TOX2: variants seen among roughly 807,000 people sequenced by gnomAD.
TOX2 encodes granulosa cell HMG box 1.
A neutral mutation model predicts 47.4 loss-of-function variants in TOX2; 15 were observed. That is an observed-to-expected ratio of 0.32 (90% CI 0.21 to 0.49). The LOEUF (loss-of-function observed/expected upper bound fraction) is 0.49. Ranked by LOEUF, TOX2 falls within the 20% of genes least tolerant of loss-of-function variation. The pLI is 0.99. For missense variants in TOX2, 622 were observed against 673.1 expected (o/e 0.92, Z 0.84); for synonymous variants, 290 against 296.6 (o/e 0.98, Z 0.23).
At chr20:44,041,815 C>T (rs538404336) in intron 3 of TOX2, among the ~76,000 whole-genome samples, 7 of 152,128 alleles carry the variant, frequency 4.6e-5, no homozygotes, top group Non-Finnish European at 7.3e-5. Context: ...TGTGCAGGCT[C>T]GAATCTAGGA....
intron 1 of TOX2, among the ~76,000 whole-genome samples, chr20:43,949,876 C>T (rs1475481102): frequency 6.6e-6 from 1 of 152,160 alleles, no homozygotes; most frequent in Non-Finnish European, 1.5e-5. Context: ...TATTCTCACA[C>T]GTGCTGCAAG....
At chr20:43,923,075 T>TGG (rs146629010) in intron 1 of TOX2, among the ~76,000 whole-genome samples, 4 of 151,596 alleles carry the variant, frequency 2.6e-5, no homozygotes, top group Admixed American at 6.6e-5. Context: ...TGTAGAGTGG[T>TGG]GGGGGGTGTT....
At chr20:43,955,453 G>T (rs576821634) in intron 1 of TOX2, among the ~76,000 whole-genome samples, 2 of 152,344 alleles carry the variant, frequency 1.3e-5, no homozygotes, top group South Asian at 2.1e-4. Flanking sequence ...AGGGGTTAAA[G>T]CTTAGGGCAG....
intron 1 of TOX2, among the ~76,000 whole-genome samples, chr20:43,960,701 T>G (rs2069743728): frequency 6.6e-6 from 1 of 152,240 alleles, no homozygotes; most frequent in African/African-American, 2.4e-5. Flanking sequence ...CATGCTGATT[T>G]CACTTGCTTG....
Position 43,915,051 on chromosome 20 carries a change from A to G in TOX2, c.99+61A>G. On this transcript the variant is annotated intron_variant, in intron 1 of 8. Coordinates refer to ENST00000341197, the MANE Select transcript of TOX2 (RefSeq NM_001098797.2). This position sits in a 1 kb window ranked among gnomAD's most constrained non-coding sequence, Gnocchi z 7.1. The stretch of plus-strand genomic sequence containing the variant: ...GGCCGGAGTCACCTGGCAGCTCGGG[A>G]CTCAGGCGCTCCCGGGGTCACACGG... 9.6e-7 allele frequency: 1 copy of G among 1,044,270 alleles called. No individual in the cohort carries two copies. Among genetic ancestry groups the G allele is most frequent in the Non-Finnish European group, 1.2e-6 (1 of 836,706 alleles). The allele number at this position is 1,044,270 out of a possible 1,614,324, so 64.7% of individuals were successfully genotyped here.
chr20:43,994,427 C>G (rs762749584), intron 2 of TOX2, among the ~76,000 whole-genome samples: 15 of 141,032 alleles, frequency 1.1e-4, no homozygotes, highest in Non-Finnish European at 2.3e-4. Flanking sequence ...CTATTGCACT[C>G]TAGCCTGGGT....
At chr20:43,982,471 G>A (rs562370190) in intron 2 of TOX2, among the ~76,000 whole-genome samples, 54 of 152,304 alleles carry the variant, frequency 3.5e-4, no homozygotes, top group African/African-American at 1.3e-3. Flanking sequence ...CCCAGGGCCT[G>A]GGGTCCAGTG....
chr20:43,938,532 C>T (rs2145340986), intron 1 of TOX2, among the ~76,000 whole-genome samples: 1 of 152,302 alleles, frequency 6.6e-6, no homozygotes, highest in South Asian at 2.1e-4. Context: ...TGGATGTGGG[C>T]ACTGAAATGG....
chr20:43,942,195 C>T (rs916820579), intron 1 of TOX2, among the ~76,000 whole-genome samples: 2 of 152,170 alleles, frequency 1.3e-5, no homozygotes, highest in Non-Finnish European at 2.9e-5. Context: ...CACTTTCCAT[C>T]GATGACAGCT....
intron 3 of TOX2, among the ~76,000 whole-genome samples, chr20:44,036,102 G>T (rs1037417287): frequency 2.0e-5 from 3 of 152,248 alleles, no homozygotes; most frequent in African/African-American, 7.2e-5. Flanking sequence ...GGAGAGGGTT[G>T]CAGCTGCGAG....
chr20:43,926,776 A>C (rs530803911), intron 1 of TOX2, among the ~76,000 whole-genome samples: 1 of 152,362 alleles, frequency 6.6e-6, no homozygotes, highest in East Asian at 1.9e-4. Context: ...AGATGAACAC[A>C]GGGGACACTT....
chr20:43,978,963 T>C (rs191910969), intron 2 of TOX2, among the ~76,000 whole-genome samples: 32 of 152,008 alleles, frequency 2.1e-4, no homozygotes, highest in African/African-American at 7.2e-4. Flanking sequence ...AGTAGATGCA[T>C]TGGAGATAAA....
chr20:43,993,980 C>T lies in TOX2; in HGVS notation c.166-12567C>T, dbSNP rs181988144. ...CCAGTCTGGGCAATATAGCAAGACC[C>T]GGTCTCTACAAAAAAATAAAAAATA... On this transcript the variant is annotated intron_variant, in intron 2 of 8. Coordinates refer to ENST00000341197, the MANE Select transcript of TOX2 (RefSeq NM_001098797.2). 1.1e-3 allele frequency among the ~76,000 whole-genome samples: 173 copies of T among 151,786 alleles called. 2 individuals carry two copies. The highest frequency in any genetic ancestry group is 9.7e-3 in the Admixed American group (148 of 15,216).
At chr20:44,022,333 GTAT>G (rs1232756972) in intron 3 of TOX2, among the ~76,000 whole-genome samples, 1 of 152,106 alleles carries the variant, frequency 6.6e-6, no homozygotes, top group East Asian at 1.9e-4. Context: ...TAAAATAGAT[GTAT>G]TATTCATTCT....
At chr20:43,991,773 A>G (rs2070373504) in intron 2 of TOX2, among the ~76,000 whole-genome samples, 2 of 151,978 alleles carry the variant, frequency 1.3e-5, no homozygotes, top group South Asian at 4.2e-4. Context: ...CCTCCTGAGT[A>G]GCTGGGATTA....
intron 1 of TOX2, among the ~76,000 whole-genome samples, chr20:43,938,060 G>A (rs556931936): frequency 6.2e-4 from 95 of 152,280 alleles, no homozygotes; most frequent in African/African-American, 1.9e-3. Context: ...GAAGCTTTGA[G>A]GGCTGTTAAC....
At chr20:43,927,640 C>CTTCCTTCCTTCCTTCT (rs1469471579) in intron 1 of TOX2, among the ~76,000 whole-genome samples, 2 of 127,934 alleles carry the variant, frequency 1.6e-5, no homozygotes, top group African/African-American at 7.4e-5. Flanking sequence ...TCCTTCCTTC[C>CTTCCTTCCTTCCTTCT]TCCCCTTCCC....
chr20:44,035,906 G>A (rs1028797643), intron 3 of TOX2, among the ~76,000 whole-genome samples: 5 of 152,230 alleles, frequency 3.3e-5, no homozygotes, highest in East Asian at 1.9e-4. Flanking sequence ...TTGAACCAAC[G>A]TGCATTGCTA....
rs914921327 is a variant in TOX2 at position 43,948,520 on chromosome 20, G to A, written c.100-24847G>A. 4.6e-5 allele frequency among the ~76,000 whole-genome samples: 7 copies of A among 152,284 alleles called. No individual in the cohort carries two copies. In the South Asian group the frequency reaches 6.2e-4, roughly 14 times the overall value. ...CTGCTGCCTTGTGCATGAACAAACCGGTAATTAATGAAATTGGGAGCAGGG... is the reference window on the plus strand; with the variant it reads ...CTGCTGCCTTGTGCATGAACAAACCAGTAATTAATGAAATTGGGAGCAGGG... On this transcript the variant is annotated intron_variant, in intron 1 of 8. Coordinates refer to ENST00000341197, the MANE Select transcript of TOX2 (RefSeq NM_001098797.2).
Sources: allele counts gnomAD v4.1 joint callset (sites outside exome capture counted in the v4.1 genomes callset), GRCh38; gene constraint gnomAD v4.1.1; non-coding constraint Gnocchi (gnomAD v3.1); transcripts MANE v1.5; gene names NCBI Gene and HGNC (gene_info 2026-07-23, HGNC 2026-07-21).